Variants in IGF2R observed in about 807,000 individuals in gnomAD.
The protein encoded by IGF2R is cation-independent mannose-6-phosphate receptor.
A neutral mutation model predicts 270.6 loss-of-function variants in IGF2R; 91 were observed. The observed-to-expected ratio is 0.34, with a 90% CI of 0.28 to 0.40. IGF2R has a LOEUF of 0.40. Among genes scored for constraint, IGF2R ranks in the 10% least tolerant of loss-of-function variants. The pLI is 1.00. For missense variants in IGF2R, 2,805 were observed against 3,188.3 expected, an observed-to-expected ratio of 0.88 and a Z score of 2.90; for synonymous variants, 1,316 against 1,258.9, an observed-to-expected ratio of 1.05 and a Z score of -0.96.
rs1430021770 is a variant in IGF2R at position 160,047,245 on chromosome 6, C to T, written c.2138C>T (p.Thr713Ile). 8 of 1,613,814 alleles carry T rather than the reference C, an allele frequency of 5.0e-6. No homozygotes were observed. The Admixed American group carries it at 8.3e-5, about 17-fold the overall frequency. Residue 713 changes from threonine to isoleucine, a missense_variant, in exon 16 of 48, where the codon ACA becomes ATA. Thr to Ile is a moderately conservative substitution (Grantham distance 89). Transcript: ENST00000356956. ...GMIQLNYRGG[T>I]PYNNERHTPR... ...ATCCAACTGAACTACAGAGGCGGCA[C>T]ACCCTATAACAATGAAAGACACACA... is the stretch of plus-strand genomic sequence containing the variant.
rs1371945349 is a variant in IGF2R, at chr6:159,998,477, G to A, written c.289+7154G>A. Among the ~76,000 whole-genome samples the A allele has an allele frequency of 6.6e-6, 1 of 152,164 alleles. No homozygotes were observed. Among genetic ancestry groups the A allele is most frequent in the Non-Finnish European group, 1.5e-5 (1 of 68,024 alleles). ...ATTACAGATCTTTTGTGATGGTAAC[G>A]GGGAGGTGATGTGATGGAAGGTGTT... is the stretch of plus-strand genomic sequence containing the variant. On this transcript the variant is annotated intron_variant, in intron 2 of 47. Transcript: ENST00000356956. This position sits in a 1 kb window ranked among gnomAD's most constrained non-coding sequence, Gnocchi z 4.1.
intron 39 of IGF2R, among the ~76,000 whole-genome samples, chr6:160,082,842 A>G (rs1255381325): frequency 2.0e-5 from 3 of 152,334 alleles, no homozygotes; most frequent in African/African-American, 7.2e-5. Flanking sequence ...CTGAGGCAGC[A>G]TGGGGAAGGC....
rs540594176 is a variant in IGF2R at position 160,088,118 on chromosome 6, A to G, written c.6291A>G (p.Thr2097=). Reference sequence around the variant, plus strand: ...CCTCCGTGATAGAATTGACCTGTACAAAGACGGTGGGCAGACCTGCATTCA... The same window carrying G: ...CCTCCGTGATAGAATTGACCTGTACGAAGACGGTGGGCAGACCTGCATTCA... ...TASSVIELTC[T]KTVGRPAFKR... is the part of the protein sequence containing the mutation. The change falls in exon 42 of 48, where the codon ACA becomes ACG. Residue 2097 remains threonine, a synonymous_variant. Coordinates refer to ENST00000356956, the MANE Select transcript of IGF2R (RefSeq NM_000876.4). 1.2e-6 allele frequency: 2 copies of G among 1,613,076 alleles called. No individual in the cohort carries two copies. The highest frequency in any genetic ancestry group is 2.2e-5 in the East Asian group (1 of 44,892).
intron 44 of IGF2R, chr6:160,095,226 C>T (rs1157391950): frequency 6.6e-6 from 1 of 152,286 alleles, no homozygotes; most frequent in Non-Finnish European, 1.5e-5. Context: ...ACCACCAGAA[C>T]GGCTGCTCAG....
chr6:160,045,576 C>T (rs956525362), intron 13 of IGF2R, among the ~76,000 whole-genome samples, 169 bp from the exon 14 acceptor site: 1 of 152,176 alleles, frequency 6.6e-6, no homozygotes, highest in African/African-American at 2.4e-5. Context: ...CTAGATACCT[C>T]ATATAGGTGG....
At chr6:160,022,971 A>G (rs1037525722) in intron 4 of IGF2R, among the ~76,000 whole-genome samples, 4 of 151,988 alleles carry the variant, frequency 2.6e-5, no homozygotes, top group African/African-American at 9.7e-5. Context: ...TTGAGTGAGG[A>G]GAGTGGTAGG....
chr6:160,059,288 C>G (rs567488213), intron 22 of IGF2R, among the ~76,000 whole-genome samples, 190 bp downstream of exon 22: 1 of 152,166 alleles, frequency 6.6e-6, no homozygotes, highest in Non-Finnish European at 1.5e-5. Context: ...TCCCGTTATC[C>G]GTGGCTTCAC....
At chr6:160,062,168 AT>A (rs34356477) in intron 25 of IGF2R, among the ~76,000 whole-genome samples, 16,301 of 106,620 alleles carry the variant, frequency 0.15, 750 homozygotes, top group East Asian at 0.44. Context: ...CATTTATTTA[AT>A]TTTTTTTTTT....
intron 1 of IGF2R, among the ~76,000 whole-genome samples, chr6:159,973,189 C>T (rs1351532904): frequency 6.6e-6 from 1 of 152,078 alleles, no homozygotes; most frequent in East Asian, 1.9e-4. Flanking sequence ...CCATGCAAAA[C>T]CAACAACAGT....
intron 4 of IGF2R, 124 bp from the exon 5 acceptor site, chr6:160,024,448 A>C (rs1278963703): frequency 2.2e-6 from 2 of 896,472 alleles, no homozygotes; most frequent in African/African-American, 1.7e-5. Context: ...GTTCGTTATT[A>C]GGGGACACCA....
intron 19 of IGF2R, among the ~76,000 whole-genome samples, chr6:160,054,613 T>C (rs1778271325): frequency 6.6e-6 from 1 of 152,104 alleles, no homozygotes; most frequent in African/African-American, 2.4e-5. Context: ...TGTAATGGGG[T>C]ATGTCTCACC....
chr6:159,997,607 A>G (rs1784072569), intron 2 of IGF2R, among the ~76,000 whole-genome samples: 1 of 152,134 alleles, frequency 6.6e-6, no homozygotes, highest in African/African-American at 2.4e-5. Context: ...TTTCAAAGGA[A>G]TACCAAGTCC....
chr6:160,048,440 T>A lies in IGF2R; in HGVS notation c.2411T>A (p.Val804Asp). The A allele has an allele frequency of 6.2e-7, 1 of 1,614,246 alleles. No homozygotes were observed. The highest frequency in any genetic ancestry group is 8.5e-7 in the Non-Finnish European group (1 of 1,180,034). The stretch of plus-strand genomic sequence containing the variant: ...GCCATGGACAACTCAGGGGAACATG[T>A]CACGTGGAGGAAATACTACATTAAC... Reference protein sequence around the residue: ...WYAMDNSGEHVTWRKYYINVC... With the variant: ...WYAMDNSGEHDTWRKYYINVC... The change falls in exon 18 of 48, where the codon GTC becomes GAC. Residue 804 changes from valine to aspartate, a missense_variant. Physicochemically the swap from Val to Asp is radical, Grantham distance 152. Coordinates refer to ENST00000356956, the MANE Select transcript of IGF2R (RefSeq NM_000876.4).
In IGF2R at chr6:160,030,996, C is replaced by A. The variant is rs549247574; in HGVS notation, c.882+1341C>A. On this transcript the variant is annotated intron_variant, in intron 7 of 47. Coordinates refer to ENST00000356956, the MANE Select transcript of IGF2R (RefSeq NM_000876.4). ...AGCTGGGACTACAGGCATGTGCCAC[C>A]ACGCCTGGCTAATTTTTGTATTTTT... Among the ~76,000 whole-genome samples the A allele has an allele frequency of 1.0e-3, 158 of 152,278 alleles. 1 individual carries two copies. The highest frequency in any genetic ancestry group is 3.7e-3 in the African/African-American group (155 of 41,548).
At chr6:160,056,651 C>A in intron 20 of IGF2R, 126 bp downstream of exon 20, 1 of 688,000 alleles carries the variant, frequency 1.5e-6, no homozygotes, top group Non-Finnish European at 2.6e-6. Flanking sequence ...GTTGCATTGA[C>A]AATGGGTGTC....
At chr6:160,054,707 A>C (rs1778273096) in intron 19 of IGF2R, among the ~76,000 whole-genome samples, 1 of 152,236 alleles carries the variant, frequency 6.6e-6, no homozygotes, top group South Asian at 2.1e-4. Flanking sequence ...TCAGTCAGTT[A>C]TGGGGCTTAG....
In IGF2R at chr6:160,068,367, G is replaced by A. The variant is rs752735552; in HGVS notation, c.4234G>A (p.Ala1412Thr). ...CCTCATCAATGTCTGCAAGTCTCTG[G>A]CCCCGCAGGCTGGCACTGGTGAGAG... is the stretch of plus-strand genomic sequence containing the variant. Reference protein sequence around the residue: ...HYLINVCKSLAPQAGTEPCPP... With the variant: ...HYLINVCKSLTPQAGTEPCPP... Residue 1412 changes from alanine (A) to threonine (T), a missense_variant, in exon 30 of 48, where the codon GCC becomes ACC. By Grantham distance (58) the Ala-to-Thr change is moderately conservative. Transcript: ENST00000356956. The A allele has an allele frequency of 6.2e-7, 1 of 1,614,140 alleles. No individual in the cohort carries two copies. Among genetic ancestry groups the A allele is most frequent in the Non-Finnish European group, 8.5e-7 (1 of 1,180,042 alleles).
intron 2 of IGF2R, 29 bp from the exon 3 acceptor site, chr6:160,008,980 GC>G (rs750487101): frequency 6.2e-7 from 1 of 1,611,262 alleles, no homozygotes; most frequent in East Asian, 2.2e-5. Context: ...ATGTTTTATA[GC>G]CTGTTCACTC....
chr6:160,041,479 T>C (rs905383463), intron 11 of IGF2R, among the ~76,000 whole-genome samples: 2 of 152,010 alleles, frequency 1.3e-5, no homozygotes, highest in Non-Finnish European at 2.9e-5. Context: ...ATGGCCTGTT[T>C]AGGGTTGGGG....
Sources: gnomAD v4.1 joint callset for allele counts (sites outside exome capture counted in the v4.1 genomes callset) on GRCh38, gnomAD v4.1.1 for gene constraint, Gnocchi (gnomAD v3.1) non-coding constraint, MANE v1.5 for transcripts, NCBI Gene and HGNC (gene_info 2026-07-23, HGNC 2026-07-21) for gene names.